The following GRK7 variants were observed in gnomAD, a reference collection of about 807,000 sequenced individuals.
The protein encoded by GRK7 is rhodopsin kinase GRK7.
GRK7 carries 24 observed loss-of-function variants against 34.1 expected under a neutral mutation model. The observed-to-expected ratio is 0.70, with a 90% CI of 0.51 to 0.99. The LOEUF is 0.99. Among genes scored for constraint, GRK7 ranks in the 50% least tolerant of loss-of-function variants. The probability of loss-of-function intolerance (pLI) is 0.00; values close to 1 mark genes in which losing one functional copy is unlikely to be tolerated. For synonymous variants in GRK7, 256 were observed against 279.4 expected (o/e 0.92, Z 0.84); for missense variants, 644 against 707.3 (o/e 0.91, Z 1.02).
At chr3:141,776,591 A>G (rs2107875502) in intron 2 of GRK7, among the ~76,000 whole-genome samples, 1 of 152,304 alleles carries the variant, frequency 6.6e-6, no homozygotes, top group East Asian at 1.9e-4. Flanking sequence ...GGCAGAGGTG[A>G]TCGTTTCCAG....
At chr3:141,755,655 T>C in the GRK7 span, among the ~76,000 whole-genome samples, 17 of 152,284 alleles carry the variant, frequency 1.1e-4, no homozygotes, top group Admixed American at 8.5e-4. Flanking sequence ...CACCCTAGAA[T>C]AGCTCAAATT....
At chr3:141,768,271 CT>C (rs550541266) in intron 1 of GRK7, among the ~76,000 whole-genome samples, 7,378 of 137,760 alleles carry the variant, frequency 0.054, 462 homozygotes, top group African/African-American at 0.18. Context: ...TCCTGTCAGC[CT>C]TTTTTTTTTT....
intron 5 of GRK7, among the ~76,000 whole-genome samples, chr3:141,812,172 G>T (rs977811910): frequency 8.5e-5 from 13 of 152,152 alleles, no homozygotes; most frequent in African/African-American, 3.1e-4. Flanking sequence ...AAAATCCATT[G>T]TAATCTCTGT....
chr3:141,813,486 C>T (rs1178900391), intron 5 of GRK7, among the ~76,000 whole-genome samples: 3 of 152,182 alleles, frequency 2.0e-5, no homozygotes, highest in African/African-American at 7.2e-5. Context: ...GGCTCTTAAC[C>T]TACAAGATGT....
At chr3:141,804,881 ACT>A (rs1711010585) in intron 4 of GRK7, among the ~76,000 whole-genome samples, 1 of 151,466 alleles carries the variant, frequency 6.6e-6, no homozygotes, top group Non-Finnish European at 1.5e-5. Flanking sequence ...GCTCACATAC[ACT>A]CACATGCACA....
At chr3:141,772,317 A>G (rs1227067153) in intron 1 of GRK7, among the ~76,000 whole-genome samples, 1 of 151,596 alleles carries the variant, frequency 6.6e-6, no homozygotes, top group African/African-American at 2.4e-5. Flanking sequence ...CTGGTCTCAA[A>G]CTCCTGACCT....
rs2084652459 is a variant in GRK7 at position 141,778,419 on chromosome 3, C to T, written c.135C>T (p.Cys45=). 1 of 1,612,730 alleles carries T rather than the reference C, an allele frequency of 6.2e-7. No individual in the cohort carries two copies. Among genetic ancestry groups the T allele is most frequent in the Non-Finnish European group, 8.5e-7 (1 of 1,179,784 alleles). Residue 45 remains cysteine (C), a synonymous_variant, in exon 3 of 6, where the codon TGC becomes TGT. Transcript: ENST00000682958. This position sits in a 1 kb window ranked among gnomAD's most constrained non-coding sequence, Gnocchi z 4.1. ...RSLALPGLQG[C]AELRQKLSLN... ...TGGCCCTGCCCGGGCTGCAGGGCTG[C>T]GCGGAGCTCCGCCAGAAGCTGTCCC...
intron 4 of GRK7, among the ~76,000 whole-genome samples, chr3:141,784,178 C>G (rs752702662): frequency 6.6e-5 from 10 of 152,152 alleles, no homozygotes; most frequent in Non-Finnish European, 1.3e-4. Context: ...AAGGACAGCT[C>G]CTTCCTTGGC....
upstream of GRK7, among the ~76,000 whole-genome samples, chr3:141,760,912 G>A (rs2107867713): frequency 3.6e-5 from 1 of 28,048 alleles, no homozygotes; most frequent in South Asian, 1.3e-3. Flanking sequence ...TTTAAAGTCT[G>A]TTTTATCAGA....
the GRK7 span, among the ~76,000 whole-genome samples, chr3:141,755,896 G>A: frequency 1.3e-5 from 2 of 151,456 alleles, no homozygotes; most frequent in East Asian, 1.9e-4. Flanking sequence ...AATATTCAAA[G>A]CTGCTTTTTA....
rs114227301 is a variant in GRK7 at position 141,776,947 on chromosome 3, A to G, written c.-113-1225A>G. On this transcript the variant is annotated intron_variant, in intron 2 of 5. Transcript: ENST00000682958. ...TGTTATTTTTGGAGCAGAAGTTCTT[A>G]GCCTGATCTCTGTCTAGATCAATTT... is the stretch of plus-strand genomic sequence containing the variant. Among the ~76,000 whole-genome samples the G allele has an allele frequency of 2.6e-3, 393 of 152,300 alleles. 1 individual carries two copies. Among genetic ancestry groups the G allele is most frequent in the African/African-American group, 8.3e-3 (344 of 41,574 alleles).
intron 4 of GRK7, among the ~76,000 whole-genome samples, chr3:141,788,319 A>C (rs2084706456): frequency 2.0e-5 from 3 of 152,222 alleles, no homozygotes. Context: ...TCTAAAATGA[A>C]AGAGAAAGAG....
chr3:141,801,516 T>A (rs886654279), intron 4 of GRK7, among the ~76,000 whole-genome samples: 1 of 152,090 alleles, frequency 6.6e-6, no homozygotes, highest in African/African-American at 2.4e-5. Flanking sequence ...GAACCACATT[T>A]GATCCAAATT....
rs145896782 is a variant in GRK7 at position 141,804,911 on chromosome 3, TCA to T, written c.1051-2725_1051-2724del. ...CATGCACATTAACACATACGCATGC[TCA>T]CACACACATGCATACTCACACATAC... On this transcript the variant is annotated intron_variant, in intron 4 of 5. Transcript: ENST00000682958. Among the ~76,000 whole-genome samples, 1,021 of 149,352 alleles carry T rather than the reference TCA, an allele frequency of 6.8e-3. 8 individuals carry two copies. Among genetic ancestry groups the T allele is most frequent in the South Asian group, 0.033 (154 of 4,658 alleles).
At chr3:141,805,344 G>A (rs767627774) in intron 4 of GRK7, among the ~76,000 whole-genome samples, 2 of 152,132 alleles carry the variant, frequency 1.3e-5, no homozygotes, top group African/African-American at 2.4e-5. Context: ...CGTCTTTGTC[G>A]TTATTTATTT....
At chr3:141,773,431 C>T (rs1016980340) in intron 1 of GRK7, among the ~76,000 whole-genome samples, 6 of 151,730 alleles carry the variant, frequency 4.0e-5, no homozygotes, top group East Asian at 1.9e-4. Flanking sequence ...TTTCTCCCCT[C>T]GAATCTGCAT....
chr3:141,750,175 C>T, the GRK7 span, among the ~76,000 whole-genome samples: 467 of 152,212 alleles, frequency 3.1e-3, 6 homozygotes, highest in African/African-American at 0.011. Context: ...ACCATTACTT[C>T]TATTAATAAA....
intron 4 of GRK7, among the ~76,000 whole-genome samples, chr3:141,784,197 G>C (rs1363804324): frequency 1.3e-5 from 2 of 152,202 alleles, no homozygotes; most frequent in Admixed American, 1.3e-4. Context: ...GCTCCCGGGT[G>C]CAGCTCTCTG....
intron 2 of GRK7, among the ~76,000 whole-genome samples, chr3:141,777,794 A>C (rs2084647539): frequency 6.6e-6 from 1 of 152,142 alleles, no homozygotes; most frequent in Non-Finnish European, 1.5e-5. Flanking sequence ...ACCTGGGAGG[A>C]AACTGCTCTG....
Sources: gnomAD v4.1 joint callset for allele counts (sites outside exome capture counted in the v4.1 genomes callset) on GRCh38, gnomAD v4.1.1 for gene constraint, Gnocchi (gnomAD v3.1) non-coding constraint, MANE v1.5 for transcripts, NCBI Gene and HGNC (gene_info 2026-07-23, HGNC 2026-07-21) for gene names.